Variants in ATP6AP2 observed in about 807,000 individuals in gnomAD.
ATP6AP2 encodes the protein renin receptor.
ATP6AP2 carries 1 observed loss-of-function variant against 23.4 expected under a neutral mutation model. The ratio of observed to expected loss-of-function variants is 0.04; its 90% confidence interval spans 0.02 to 0.20. ATP6AP2 has a LOEUF of 0.20. Ranked by LOEUF, ATP6AP2 falls within the 10% of genes least tolerant of loss-of-function variation. The pLI, the probability that ATP6AP2 is intolerant of heterozygous loss-of-function variation, is 1.00. For missense variants in ATP6AP2, 174 were observed against 271.3 expected, an observed-to-expected ratio of 0.64 and a Z score of 2.52; for synonymous variants, 90 against 97.1, an observed-to-expected ratio of 0.93 and a Z score of 0.43.
chrX:40,582,385 G>A (rs775401121), intron 1 of ATP6AP2, among the ~76,000 whole-genome samples: 1 of 112,056 alleles, frequency 8.9e-6, no homozygotes, highest in East Asian at 2.8e-4. Flanking sequence ...CCGAGATCGC[G>A]CCATTGCACT....
intron 1 of ATP6AP2, among the ~76,000 whole-genome samples, chrX:40,583,551 T>G (rs1031829204): frequency 3.0e-4 from 34 of 111,780 alleles, no homozygotes; most frequent in Admixed American, 1.3e-3. Context: ...TGGGTGTTAA[T>G]GCTTTGGGTT....
chrX:40,597,371 C>T (rs1226644258), intron 4 of ATP6AP2, 27 bp downstream of exon 4: 3 of 1,123,306 alleles, frequency 2.7e-6, no homozygotes, highest in South Asian at 1.9e-5. Flanking sequence ...TTATTCAAGA[C>T]ATTTTAAAAA....
chrX:40,583,753 G>C (rs1207827890), intron 1 of ATP6AP2, among the ~76,000 whole-genome samples: 1 of 111,898 alleles, frequency 8.9e-6, no homozygotes, highest in Non-Finnish European at 1.9e-5. Flanking sequence ...GAAAGGATTT[G>C]TGAGATAAGA....
chrX:40,588,851 C>A, intron 1 of ATP6AP2, 135 bp from the exon 2 acceptor site: 1 of 688,068 alleles, frequency 1.5e-6, no homozygotes, highest in Non-Finnish European at 2.2e-6. Flanking sequence ...TTGTTTAGGA[C>A]TCAGCATTTT....
At chrX:40,598,549 A>G (rs1926828605) in intron 5 of ATP6AP2, 132 bp from the exon 6 acceptor site, 1 of 648,222 alleles carries the variant, frequency 1.5e-6, no homozygotes, top group African/African-American at 2.2e-5. Flanking sequence ...AACATACCAA[A>G]TGGAAGATAA....
chrX:40,596,318 A>C (rs1926774115), intron 3 of ATP6AP2, among the ~76,000 whole-genome samples: 1 of 112,361 alleles, frequency 8.9e-6, no homozygotes, highest in Non-Finnish European at 1.9e-5. Context: ...TGAAAGATCA[A>C]TGTAAGAAAT....
chrX:40,596,613 A>G (rs1926781223), intron 3 of ATP6AP2, among the ~76,000 whole-genome samples: 1 of 111,099 alleles, frequency 9.0e-6, no homozygotes, highest in African/African-American at 3.3e-5. Flanking sequence ...ACTATATTAT[A>G]TGTATTTTGC....
At chrX:40,600,717 A>C (rs1391260481) in intron 7 of ATP6AP2, 45 bp from the exon 8 acceptor site, 2 of 1,151,994 alleles carry the variant, frequency 1.7e-6, no homozygotes, top group South Asian at 3.9e-5. Flanking sequence ...AAATGAAAAA[A>C]GTACATAGTT....
intron 1 of ATP6AP2, among the ~76,000 whole-genome samples, chrX:40,585,418 G>A (rs750786438): frequency 2.5e-4 from 28 of 111,733 alleles, no homozygotes; most frequent in African/African-American, 8.8e-4. Context: ...AAAACCAGGA[G>A]CCGTGGCTGC....
intron 6 of ATP6AP2, chrX:40,599,251 A>G (rs1212847979): frequency 7.9e-6 from 2 of 253,962 alleles, no homozygotes; most frequent in East Asian, 1.8e-4. Flanking sequence ...GGAGTCTGGA[A>G]GTGTAGTGCA....
chrX:40,601,935 T>C (rs1926915928), intron 8 of ATP6AP2, among the ~76,000 whole-genome samples: 1 of 112,458 alleles, frequency 8.9e-6, no homozygotes, highest in African/African-American at 3.2e-5. Context: ...ACCCAAGATT[T>C]CCCACCATAA....
intron 3 of ATP6AP2, among the ~76,000 whole-genome samples, chrX:40,594,633 T>C (rs751700649): frequency 3.8e-4 from 43 of 112,172 alleles, no homozygotes; most frequent in African/African-American, 1.2e-3. Context: ...TTTTCTATAA[T>C]GGATAGTAAA....
chrX:40,599,648 G>A lies in ATP6AP2; in HGVS notation c.645G>A (p.Glu215=). ...ATTCTCCTGATTTATATTCACTGGAGCTGGCAGGTTTGGATGAAATTGGGA... is the reference window on the plus strand; with the variant it reads ...ATTCTCCTGATTTATATTCACTGGAACTGGCAGGTTTGGATGAAATTGGGA... ...KDHSPDLYSL[E]LAGLDEIGKR... is the part of the protein sequence containing the mutation. Residue 215 remains glutamate, a synonymous_variant, in exon 7 of 9, where the codon GAG becomes GAA. Coordinates refer to ENST00000636580, the MANE Select transcript of ATP6AP2 (RefSeq NM_005765.3). The A allele has an allele frequency of 8.3e-7, 1 of 1,211,375 alleles. No individual in the cohort carries two copies. Among genetic ancestry groups the A allele is most frequent in the Non-Finnish European group, 1.1e-6 (1 of 895,154 alleles).
chrX:40,593,856 G>C (rs1926711245), intron 3 of ATP6AP2, among the ~76,000 whole-genome samples: 1 of 111,250 alleles, frequency 9.0e-6, no homozygotes, highest in Admixed American at 9.6e-5. Flanking sequence ...TGGACACCGA[G>C]GTTGCTTCCA....
At chrX:40,581,445 C>T (rs1054930562) in intron 1 of ATP6AP2, among the ~76,000 whole-genome samples, 2 of 112,825 alleles carry the variant, frequency 1.8e-5, no homozygotes, top group African/African-American at 6.4e-5. Flanking sequence ...TGAGTCGCAG[C>T]CCGCTGCGAA....
rs1926465278 is a variant in ATP6AP2, at chrX:40,586,204, G to C, written c.38-2782G>C. Among the ~76,000 whole-genome samples the C allele has an allele frequency of 8.1e-5, 9 of 111,794 alleles. No individual in the cohort carries two copies. In the Admixed American group the frequency reaches 8.6e-4, roughly 11 times the overall value. Reference sequence around the variant, plus strand: ...AGCCCTGGGGATAGTGTGTGAACAAGACGCACTGAAATCCCCGCCTTCATG... The same window carrying C: ...AGCCCTGGGGATAGTGTGTGAACAACACGCACTGAAATCCCCGCCTTCATG... On this transcript the variant is annotated intron_variant, in intron 1 of 8. Coordinates refer to ENST00000636580, the MANE Select transcript of ATP6AP2 (RefSeq NM_005765.3).
At chrX:40,586,574 G>A (rs1324802391) in intron 1 of ATP6AP2, among the ~76,000 whole-genome samples, 1 of 111,800 alleles carries the variant, frequency 8.9e-6, no homozygotes, top group Non-Finnish European at 1.9e-5. Context: ...TGAAAGTTAG[G>A]AAGCCCATTT....
At chrX:40,589,557 GGTT>G (rs755985357) in intron 2 of ATP6AP2, 1 of 115,407 alleles carries the variant, frequency 8.7e-6, no homozygotes, top group East Asian at 2.9e-4. Flanking sequence ...TCTACTTTCT[GGTT>G]TTTTTTTTTT....
Position 40,584,360 on chromosome X carries a change from CTATCT to C in ATP6AP2, c.37+3260_37+3264del, listed in dbSNP as rs1926406315. Among the ~76,000 whole-genome samples, 4 of 79,425 alleles carry C rather than the reference CTATCT, an allele frequency of 5.0e-5. No individual in the cohort carries two copies. In the South Asian group the frequency reaches 2.4e-3, roughly 48 times the overall value. The allele number at this position is 79,425 out of a possible 115,157, so 69.0% of individuals were successfully genotyped here. ...AGGTGTGAGCCATCGCACCCAGCCT[CTATCT>C]TTTTTTTTTTTTTTTTCCTTTTTTG... is the stretch of plus-strand genomic sequence containing the variant. On this transcript the variant is annotated intron_variant, in intron 1 of 8. Coordinates refer to ENST00000636580, the MANE Select transcript of ATP6AP2 (RefSeq NM_005765.3).
Sources: allele counts gnomAD v4.1 joint callset (sites outside exome capture counted in the v4.1 genomes callset), GRCh38; gene constraint gnomAD v4.1.1; transcripts MANE v1.5; gene names NCBI Gene and HGNC (gene_info 2026-07-23, HGNC 2026-07-21).